The following PARVB variants were observed in gnomAD, a reference collection of about 807,000 sequenced individuals.
The protein encoded by PARVB is beta-parvin.
In PARVB, 46 loss-of-function variants were observed where a neutral mutation model predicts 47.0. The ratio of observed to expected loss-of-function variants is 0.98; its 90% CI spans 0.77 to 1.25. PARVB has a LOEUF of 1.25. Ranked by LOEUF, PARVB falls within the 50% of genes most tolerant of loss-of-function variation. The pLI is 0.00. For missense variants in PARVB, 473 were observed against 471.6 expected (o/e 1.00, Z -0.03); for synonymous variants, 196 against 196.3 (o/e 1.00, Z 0.01).
rs142689231 is a variant in PARVB, at chr22:44,172,864, C to T, written c.*4186C>T. The T allele has an allele frequency of 1.1e-5, 9 of 834,002 alleles. No individual in the cohort carries two copies. In the Admixed American group the frequency reaches 2.5e-4, roughly 23 times the overall value. The allele number at this position is 834,002 out of a possible 1,614,324, so 51.7% of individuals were successfully genotyped here. A position where few individuals can be genotyped will look rare whatever the true frequency, so the allele number is the denominator to read the frequency against. ...CAACACCGGGCAAACACTTCTTCCG[C>T]CAGGGATGCGGTTAGGACAATGCCA... On this transcript the variant is annotated 3_prime_UTR_variant, in exon 13 of 13. Transcript: ENST00000338758.
At position 44,010,697 on chromosome 22, in the gene PARVB, G is replaced by T. The variant is rs184371597; in HGVS notation, c.211+11024G>T. 2.6e-3 allele frequency among the ~76,000 whole-genome samples: 397 copies of T among 152,184 alleles called. 1 individual carries two copies. The highest frequency in any genetic ancestry group is 4.4e-3 in the Non-Finnish European group (297 of 68,012). On this transcript the variant is annotated intron_variant, in intron 2 of 13. Transcript: ENST00000406477. ...AGGTAAAATGTGCAGTAAATGAATTGAATTTTGGTTGCTCTCTGCTCCCGA... is the reference window on the plus strand; with the variant it reads ...AGGTAAAATGTGCAGTAAATGAATTTAATTTTGGTTGCTCTCTGCTCCCGA...
At chr22:44,118,162 C>A (rs752402956) in intron 3 of PARVB, among the ~76,000 whole-genome samples, 3 of 152,152 alleles carry the variant, frequency 2.0e-5, no homozygotes, top group Non-Finnish European at 2.9e-5. Flanking sequence ...ACCGAAATAA[C>A]CATCAACCAA....
At chr22:44,131,090 TTC>T (rs951606319) in intron 4 of PARVB, among the ~76,000 whole-genome samples, 2 of 128,222 alleles carry the variant, frequency 1.6e-5, no homozygotes, top group African/African-American at 2.9e-5. Context: ...TTTTTCTTTC[TTC>T]TCTCTCTCTC....
intron 1 of PARVB, among the ~76,000 whole-genome samples, chr22:44,066,816 CCTCCTCT>C (rs2051543762): frequency 6.8e-6 from 1 of 146,224 alleles, no homozygotes; most frequent in Admixed American, 6.7e-5. Flanking sequence ...TCCTCCTCCT[CCTCCTCT>C]TCCTCCTCCA....
rs1253090237 is a variant in PARVB, at chr22:44,158,314, C to T, written c.945+231C>T. On this transcript the variant is annotated intron_variant, in intron 11 of 12. Transcript: ENST00000338758. Reference sequence around the variant, plus strand: ...TGCCACATTTTCTTTGCGGTCTTTTCCATGGGACCGTGTAGTTTTTAATAA... The same window carrying T: ...TGCCACATTTTCTTTGCGGTCTTTTTCATGGGACCGTGTAGTTTTTAATAA... 5.3e-5 allele frequency among the ~76,000 whole-genome samples: 8 copies of T among 152,208 alleles called. No homozygotes were observed. In the East Asian group the frequency reaches 1.5e-3, roughly 29 times the overall value.
chr22:44,132,631 C>A (rs2053353406), intron 5 of PARVB, among the ~76,000 whole-genome samples: 1 of 152,186 alleles, frequency 6.6e-6, no homozygotes, highest in Non-Finnish European at 1.5e-5. Flanking sequence ...TCCCTCATCA[C>A]TGCCCAATTT....
At chr22:44,047,297 C>A (rs914304645) in intron 1 of PARVB, among the ~76,000 whole-genome samples, 1 of 152,172 alleles carries the variant, frequency 6.6e-6, no homozygotes, top group Non-Finnish European at 1.5e-5. Flanking sequence ...AGGTGCCATG[C>A]TCTTTTCTAA....
In PARVB at chr22:44,164,809, C is replaced by T. The variant is rs576723019; in HGVS notation, c.1018+879C>T. Among the ~76,000 whole-genome samples the T allele has an allele frequency of 3.9e-5, 6 of 152,248 alleles. No individual in the cohort carries two copies. The East Asian group carries it at 7.7e-4, about 20-fold the overall frequency. ...CCTGTTGCCAGCATCCGCTCAACGG[C>T]GGGCTTTGTAGAGTCTCCAAAATAG... On this transcript the variant is annotated intron_variant, in intron 12 of 12. Coordinates refer to ENST00000338758, the MANE Select transcript of PARVB (RefSeq NM_013327.5).
chr22:44,057,679 C>T (rs1337635138), intron 1 of PARVB, among the ~76,000 whole-genome samples: 1 of 152,000 alleles, frequency 6.6e-6, no homozygotes, highest in Non-Finnish European at 1.5e-5. Flanking sequence ...CCCGGTGTCT[C>T]AGCACTTGGC....
chr22:44,090,846 C>T (rs919974293), intron 1 of PARVB, among the ~76,000 whole-genome samples: 5 of 152,232 alleles, frequency 3.3e-5, no homozygotes, highest in East Asian at 3.8e-4. Flanking sequence ...CACCCCGACC[C>T]CCTGTGCTCC....
Position 44,024,385 on chromosome 22 carries a change from A to G in PARVB, c.46A>G (p.Lys16Glu). 2 of 1,243,658 alleles carry G rather than the reference A, an allele frequency of 1.6e-6. No individual in the cohort carries two copies. Among genetic ancestry groups the G allele is most frequent in the Non-Finnish European group, 2.0e-6 (2 of 978,676 alleles). 77.0% of individuals were successfully genotyped at this position (1,243,658 alleles called of 1,614,324 possible). The part of the protein sequence containing the change: ...RSPTPRPRRM[K>E]KDESFLGKLG... ...GCCCACCCCGCGGCCCCGCAGGATG[A>G]AGAAGGACGAGTCGTTCCTGGGCAA... The change falls in exon 1 of 13, where the codon AAG (lysine) becomes GAG (glutamate). Residue 16 changes from lysine (K) to glutamate (E), a missense_variant. Transcript: ENST00000338758.
At chr22:44,122,518 GAC>G (rs145075604) in intron 4 of PARVB, among the ~76,000 whole-genome samples, 4,553 of 98,336 alleles carry the variant, frequency 0.046, 333 homozygotes, top group African/African-American at 0.18. Flanking sequence ...GAGAGAGAGA[GAC>G]AGAGAGACAG....
At chr22:44,100,505 C>T (rs1187716015) in intron 3 of PARVB, among the ~76,000 whole-genome samples, 1 of 152,068 alleles carries the variant, frequency 6.6e-6, no homozygotes, top group African/African-American at 2.4e-5. Flanking sequence ...CCCTGAAAAG[C>T]AGGAGGGGTC....
At chr22:44,056,390 G>A (rs1351288795) in intron 1 of PARVB, among the ~76,000 whole-genome samples, 4 of 152,202 alleles carry the variant, frequency 2.6e-5, no homozygotes, top group Non-Finnish European at 4.4e-5. Flanking sequence ...AGCGTTGCCC[G>A]GGTTCGAATT....
At chr22:44,024,552 A>AC in intron 1 of PARVB, 101 bp downstream of exon 1, 1 of 432,362 alleles carries the variant, frequency 2.3e-6, no homozygotes, top group Non-Finnish European at 3.2e-6. Context: ...TCCCCCACGC[A>AC]CCCCGCCCGG....
chr22:44,045,912 T>G (rs892565788), intron 1 of PARVB, among the ~76,000 whole-genome samples: 2 of 152,318 alleles, frequency 1.3e-5, no homozygotes, highest in Non-Finnish European at 2.9e-5. Flanking sequence ...CCCTCGAGAT[T>G]CCGTATGAGT....
chr22:44,026,699 C>G (rs1387345918), intron 1 of PARVB, among the ~76,000 whole-genome samples: 1 of 152,156 alleles, frequency 6.6e-6, no homozygotes, highest in African/African-American at 2.4e-5. Flanking sequence ...AGTGACAGGG[C>G]GCTTGGGAGG....
chr22:44,099,595 T>C (rs2052393319), intron 2 of PARVB, among the ~76,000 whole-genome samples: 1 of 152,244 alleles, frequency 6.6e-6, no homozygotes, highest in African/African-American at 2.4e-5. Context: ...CATTGCATAT[T>C]GATTCTTTTC....
intron 3 of PARVB, among the ~76,000 whole-genome samples, chr22:44,116,685 G>T (rs2052912741): frequency 6.6e-6 from 1 of 152,204 alleles, no homozygotes; most frequent in African/African-American, 2.4e-5. Flanking sequence ...TCAAAGATTT[G>T]CTCCCATTGC....
Sources: gnomAD v4.1 joint callset for allele counts (sites outside exome capture counted in the v4.1 genomes callset) on GRCh38, gnomAD v4.1.1 for gene constraint, MANE v1.5 for transcripts, NCBI Gene and HGNC (gene_info 2026-07-23, HGNC 2026-07-21) for gene names.